The following ERBB4 variants were observed in gnomAD, a reference collection of about 807,000 sequenced individuals.
ERBB4 encodes the protein erb-b2 receptor tyrosine kinase 4.
A neutral mutation model predicts 158.0 loss-of-function variants in ERBB4; 42 were observed. The observed-to-expected ratio is 0.27, with a 90% CI of 0.21 to 0.34. ERBB4 has a LOEUF of 0.34. Among genes scored for constraint, ERBB4 ranks in the 10% least tolerant of loss-of-function variants. The probability of loss-of-function intolerance (pLI) is 1.00; values close to 1 mark genes in which losing one functional copy is unlikely to be tolerated. For synonymous variants in ERBB4, 583 were observed against 558.7 expected, an observed-to-expected ratio of 1.04 and a Z score of -0.61; for missense variants, 1,333 against 1,624.1, an observed-to-expected ratio of 0.82 and a Z score of 3.08.
At chr2:212,376,677 C>T (rs943024880) in intron 1 of ERBB4, among the ~76,000 whole-genome samples, 5 of 151,988 alleles carry the variant, frequency 3.3e-5, no homozygotes, top group Non-Finnish European at 4.4e-5. Flanking sequence ...TCATTTTCTT[C>T]AGTTAATGAT....
intron 1 of ERBB4, among the ~76,000 whole-genome samples, chr2:212,510,850 T>C (rs1485914376): frequency 1.3e-5 from 2 of 152,112 alleles, no homozygotes; most frequent in Admixed American, 1.3e-4. Context: ...AAGTGCCCGT[T>C]AATAAATAGA....
chr2:211,944,977 G>A (rs1157889954), intron 3 of ERBB4, among the ~76,000 whole-genome samples: 1 of 152,028 alleles, frequency 6.6e-6, no homozygotes, highest in African/African-American at 2.4e-5. Context: ...AAAAATTAAG[G>A]CCAGTCCAGT....
chr2:212,331,082 A>ACACG (rs1574700382), intron 1 of ERBB4, among the ~76,000 whole-genome samples: 2 of 144,808 alleles, frequency 1.4e-5, no homozygotes, highest in Non-Finnish European at 3.0e-5. Context: ...ACACATATAT[A>ACACG]TATATGCCCA....
rs117179156 is a variant in ERBB4 at position 211,804,108 on chromosome 2, C to T, written c.422-15949G>A. ...TTCCACTGCTGAATATTTACTTCCA[C>T]GTGTAAATTTTGAATAGGAAAGGCT... On this transcript the variant is annotated intron_variant, in intron 3 of 27. Transcript: ENST00000342788. Among the ~76,000 whole-genome samples, 388 of 152,194 alleles carry T rather than the reference C, an allele frequency of 2.5e-3. 10 individuals are homozygous for T. The East Asian group carries it at 0.061, about 24-fold the overall frequency.
chr2:211,426,312 A>G (rs1408640943), intron 22 of ERBB4, among the ~76,000 whole-genome samples: 1 of 152,196 alleles, frequency 6.6e-6, no homozygotes, highest in Non-Finnish European at 1.5e-5. Context: ...CTTAAGATGT[A>G]TATCACAGCC....
intron 19 of ERBB4, among the ~76,000 whole-genome samples, chr2:211,601,635 T>C (rs1381228651): frequency 6.6e-6 from 1 of 152,146 alleles, no homozygotes; most frequent in African/African-American, 2.4e-5. Flanking sequence ...TACTGGAAGC[T>C]AGAATAAATT....
chr2:211,754,407 C>CTTTT (rs59474280), intron 4 of ERBB4, among the ~76,000 whole-genome samples: 4 of 138,038 alleles, frequency 2.9e-5, no homozygotes, highest in Non-Finnish European at 4.7e-5. Flanking sequence ...GCAATAATCC[C>CTTTT]TTTTTTTTTT....
Position 211,571,036 on chromosome 2 carries a change from T to TC in ERBB4, c.2302-8949_2302-8948insG, listed in dbSNP as rs1326480306. On this transcript the variant is annotated intron_variant, in intron 19 of 27. Coordinates refer to ENST00000342788, the MANE Select transcript of ERBB4 (RefSeq NM_005235.3). ...CTGATTTTTCACTCTCTGAGTACTC[T>TC]TCTTCTTTTTTTTTTTTTTTTTTTT... Among the ~76,000 whole-genome samples, 33 of 63,394 alleles carry TC rather than the reference T, an allele frequency of 5.2e-4. 2 individuals are homozygous for TC. The highest frequency in any genetic ancestry group is 1.4e-3 in the African/African-American group (21 of 14,546). The allele number at this position is 63,394 out of a possible 152,430, so 41.6% of individuals were successfully genotyped here. A position where few individuals can be genotyped will look rare whatever the true frequency, so the allele number is the denominator to read the frequency against.
At chr2:212,219,125 G>A (rs965170353) in intron 1 of ERBB4, among the ~76,000 whole-genome samples, 2 of 151,366 alleles carry the variant, frequency 1.3e-5, no homozygotes, top group Admixed American at 1.3e-4. Flanking sequence ...AAGTGTCAGA[G>A]TTTACAGATT....
intron 1 of ERBB4, among the ~76,000 whole-genome samples, chr2:212,253,594 T>C (rs2084620570): frequency 6.6e-6 from 1 of 152,194 alleles, no homozygotes. Flanking sequence ...TAACTAGATT[T>C]CAGGTTTTGC....
Position 211,384,044 on chromosome 2 carries a change from C to T in ERBB4, c.3498G>A (p.Val1166=). 6.2e-7 allele frequency: 1 copy of T among 1,612,912 alleles called. No homozygotes were observed. The highest frequency in any genetic ancestry group is 8.5e-7 in the Non-Finnish European group (1 of 1,179,046). ...TCCGAGAAACAAAAGGGTTCTCCTC[C>T]ACTGGATTCAGGTATTCTAAAGGAA... ...DKPKQEYLNP[V]EENPFVSRRK... Residue 1166 remains valine (V), a synonymous_variant, in exon 28 of 28, where the codon GTG becomes GTA. Transcript: ENST00000342788.
chr2:212,416,038 G>T (rs553956331), intron 1 of ERBB4, among the ~76,000 whole-genome samples: 1 of 152,162 alleles, frequency 6.6e-6, no homozygotes, highest in East Asian at 1.9e-4. Context: ...TAACACAGGG[G>T]CCTGTGTAAT....
At chr2:211,939,494 A>T (rs1319190705) in intron 3 of ERBB4, among the ~76,000 whole-genome samples, 1 of 152,106 alleles carries the variant, frequency 6.6e-6, no homozygotes, top group African/African-American at 2.4e-5. Flanking sequence ...CTGGAAGAGA[A>T]CAACATGTAG....
intron 20 of ERBB4, among the ~76,000 whole-genome samples, chr2:211,525,709 G>A (rs2066328360): frequency 6.6e-6 from 1 of 152,222 alleles, no homozygotes; most frequent in South Asian, 2.1e-4. Flanking sequence ...CCAAAAGCGA[G>A]CCCATTGCCC....
At chr2:212,537,192 G>A (rs1182307650) in intron 1 of ERBB4, among the ~76,000 whole-genome samples, 2 of 151,866 alleles carry the variant, frequency 1.3e-5, no homozygotes, top group African/African-American at 2.4e-5. Flanking sequence ...TCTTGGTGAG[G>A]TCAGAAGGAC....
chr2:211,599,499 G>A (rs1965462), intron 19 of ERBB4, among the ~76,000 whole-genome samples: 136,555 of 151,102 alleles, frequency 0.9, 61,726 homozygotes, highest in Admixed American at 0.94. Flanking sequence ...CAGGCTCACA[G>A]AAAATAATTT....
intron 1 of ERBB4, among the ~76,000 whole-genome samples, chr2:212,507,144 A>C (rs928426437): frequency 6.6e-6 from 1 of 152,056 alleles, no homozygotes; most frequent in South Asian, 2.1e-4. Flanking sequence ...TTGACAACAC[A>C]TCTGTTGACA....
chr2:211,751,867 G>T lies in ERBB4; in HGVS notation c.557-1163C>A, dbSNP rs564360187. On this transcript the variant is annotated intron_variant, in intron 4 of 27. Transcript: ENST00000342788. ...CTCTGGCTGGATCTCAGACCATTCA[G>T]ATTGTCTACCTTTGAGAAAGTAAAC... Among the ~76,000 whole-genome samples, 9 of 152,268 alleles carry T rather than the reference G, an allele frequency of 5.9e-5. No individual in the cohort carries two copies. The South Asian group carries it at 1.9e-3, about 32-fold the overall frequency.
At chr2:212,451,959 G>A (rs957519070) in intron 1 of ERBB4, among the ~76,000 whole-genome samples, 2 of 151,746 alleles carry the variant, frequency 1.3e-5, no homozygotes, top group Non-Finnish European at 2.9e-5. Context: ...ACAACAGAAG[G>A]ATTGTCTCAG....
Sources: allele counts gnomAD v4.1 joint callset (sites outside exome capture counted in the v4.1 genomes callset), GRCh38; gene constraint gnomAD v4.1.1; transcripts MANE v1.5; gene names NCBI Gene and HGNC (gene_info 2026-07-23, HGNC 2026-07-21).